Variants in SDK1 observed in about 807,000 individuals in gnomAD.
SDK1 encodes sidekick cell adhesion molecule 1.
In SDK1, 157 loss-of-function variants were observed where a neutral mutation model predicts 245.5. The ratio of observed to expected loss-of-function variants is 0.64; its 90% CI spans 0.56 to 0.73. The LOEUF (loss-of-function observed/expected upper bound fraction) is 0.73, where lower values mean the gene tolerates loss of function less well. Among genes scored for constraint, SDK1 ranks in the 30% least tolerant of loss-of-function variants. The pLI, the probability that SDK1 is intolerant of heterozygous loss-of-function variation, is 0.00. For missense variants in SDK1, 3,583 were observed against 3,002.3 expected (o/e 1.19, Z -4.52); for synonymous variants, 1,647 against 1,278.5 (o/e 1.29, Z -6.15).
At chr7:3,564,972 G>A (rs1779864621) in intron 1 of SDK1, among the ~76,000 whole-genome samples, 1 of 152,020 alleles carries the variant, frequency 6.6e-6, no homozygotes, top group Non-Finnish European at 1.5e-5. Context: ...CCAAGCAGAA[G>A]GAGATATAAT....
At position 3,359,386 on chromosome 7, in the gene SDK1, T is replaced by C. The variant is rs78482327; in HGVS notation, c.298+57502T>C. 3.8e-3 allele frequency among the ~76,000 whole-genome samples: 576 copies of C among 152,242 alleles called. 7 individuals carry two copies. In the East Asian group the frequency reaches 0.056, roughly 15 times the overall value. On this transcript the variant is annotated intron_variant, in intron 1 of 44. Transcript: ENST00000404826. ...TTTTTGTCTAAGGTTAAGTTTTCGT[T>C]GTTGTTGTTACATGCAGAATTGAGA...
chr7:3,807,072 A>G (rs943236230), intron 4 of SDK1, among the ~76,000 whole-genome samples: 1 of 152,180 alleles, frequency 6.6e-6, no homozygotes, highest in African/African-American at 2.4e-5. Context: ...CTAATGTTAA[A>G]TAAAAAGGAA....
chr7:3,522,701 G>A (rs1053734233), intron 1 of SDK1, among the ~76,000 whole-genome samples: 2 of 151,906 alleles, frequency 1.3e-5, no homozygotes, highest in African/African-American at 4.8e-5. Flanking sequence ...ACAAACCGGG[G>A]GACGTGCTAT....
intron 5 of SDK1, among the ~76,000 whole-genome samples, chr7:3,824,721 A>G (rs1779729455): frequency 6.6e-6 from 1 of 152,198 alleles, no homozygotes; most frequent in Non-Finnish European, 1.5e-5. Context: ...ATTGCTAGAT[A>G]CTGTGGCTAC....
At chr7:4,255,826 C>T (rs1013479691) in intron 44 of SDK1, among the ~76,000 whole-genome samples, 2 of 152,192 alleles carry the variant, frequency 1.3e-5, no homozygotes, top group Non-Finnish European at 2.9e-5. Flanking sequence ...GCACCACAGA[C>T]TCTCACTATC....
chr7:3,950,128 C>A (rs1020909159), intron 5 of SDK1, among the ~76,000 whole-genome samples: 1 of 152,208 alleles, frequency 6.6e-6, no homozygotes, highest in African/African-American at 2.4e-5. Flanking sequence ...CCCTCAGCCA[C>A]ACAACACACA....
chr7:3,362,114 A>T (rs1308167917), intron 1 of SDK1, among the ~76,000 whole-genome samples: 1 of 152,184 alleles, frequency 6.6e-6, no homozygotes, highest in East Asian at 1.9e-4. Flanking sequence ...TTATAATAGC[A>T]TTTTGATCTG....
chr7:3,832,756 G>C (rs1170508711), intron 5 of SDK1, among the ~76,000 whole-genome samples: 1 of 152,044 alleles, frequency 6.6e-6, no homozygotes, highest in Non-Finnish European at 1.5e-5. Context: ...CTCTCTCTCT[G>C]ATTCTTTGTT....
chr7:3,390,672 G>T (rs1447571869), intron 1 of SDK1, among the ~76,000 whole-genome samples: 1 of 152,146 alleles, frequency 6.6e-6, no homozygotes, highest in East Asian at 1.9e-4. Flanking sequence ...GATAGACGCA[G>T]ATATTGGAGT....
intron 5 of SDK1, among the ~76,000 whole-genome samples, chr7:3,854,026 AT>A (rs1214421194): frequency 6.6e-6 from 1 of 152,040 alleles, no homozygotes; most frequent in Non-Finnish European, 1.5e-5. Flanking sequence ...GCATTTTTTG[AT>A]TTTTAGATTA....
At chr7:3,550,524 A>G (rs528121349) in intron 1 of SDK1, among the ~76,000 whole-genome samples, 11 of 152,188 alleles carry the variant, frequency 7.2e-5, no homozygotes, top group Admixed American at 4.6e-4. Context: ...TCCTGTGCTG[A>G]CTGTCTGCAG....
chr7:4,177,466 C>T lies in SDK1; in HGVS notation c.4997-1019C>T, dbSNP rs186096904. Among the ~76,000 whole-genome samples the T allele has an allele frequency of 3.9e-5, 6 of 152,346 alleles. No homozygotes were observed. The East Asian group carries it at 5.8e-4, about 15-fold the overall frequency. On this transcript the variant is annotated intron_variant, in intron 34 of 44. Coordinates refer to ENST00000404826, the MANE Select transcript of SDK1 (RefSeq NM_152744.4). ...TTCTCTGTGTACAGCAGCCCACGCCCGTTCTTTCCCAGGACACGGCCGCTA... is the reference window on the plus strand; with the variant it reads ...TTCTCTGTGTACAGCAGCCCACGCCTGTTCTTTCCCAGGACACGGCCGCTA...
intron 19 of SDK1, among the ~76,000 whole-genome samples, chr7:4,053,569 A>G (rs908307987): frequency 6.6e-6 from 1 of 152,010 alleles, no homozygotes; most frequent in Non-Finnish European, 1.5e-5. Context: ...AGCTGCCGGG[A>G]TGGCTCCCCA....
Position 3,414,806 on chromosome 7 carries a change from A to T in SDK1, c.298+112922A>T, listed in dbSNP as rs114812012. Reference sequence around the variant, plus strand: ...TACTTGCTGTATTCTGGACATTTTTACAAATGGAGTCATATAATGTGTGTT... The same window carrying T: ...TACTTGCTGTATTCTGGACATTTTTTCAAATGGAGTCATATAATGTGTGTT... On this transcript the variant is annotated intron_variant, in intron 1 of 44. Transcript: ENST00000404826. Among the ~76,000 whole-genome samples, 1,329 of 152,160 alleles carry T rather than the reference A, an allele frequency of 8.7e-3. 23 individuals are homozygous for T. Among genetic ancestry groups the T allele is most frequent in the African/African-American group, 0.03 (1,230 of 41,490 alleles).
chr7:3,340,766 CAAA>C lies in SDK1; in HGVS notation c.298+38896_298+38898del, dbSNP rs56932562. On this transcript the variant is annotated intron_variant, in intron 1 of 44. Coordinates refer to ENST00000404826, the MANE Select transcript of SDK1 (RefSeq NM_152744.4). ...TGGGAAACAGAGCAAGACCCCGTCT[CAAA>C]AAAAAAAAAAAAATCATCTATGAAG... 1.3e-3 allele frequency among the ~76,000 whole-genome samples: 162 copies of C among 125,382 alleles called. 1 individual carries two copies. The highest frequency in any genetic ancestry group is 4.3e-3 in the African/African-American group (152 of 35,340). 82.3% of individuals were successfully genotyped at this position (125,382 alleles called of 152,430 possible).
chr7:4,215,621 G>T (rs566752485), intron 38 of SDK1, among the ~76,000 whole-genome samples: 1 of 152,338 alleles, frequency 6.6e-6, no homozygotes, highest in East Asian at 1.9e-4. Flanking sequence ...GTCTAGTGCA[G>T]GCCAGCCCGG....
At chr7:3,901,668 A>G (rs1425694887) in intron 5 of SDK1, among the ~76,000 whole-genome samples, 1 of 152,164 alleles carries the variant, frequency 6.6e-6, no homozygotes, top group African/African-American at 2.4e-5. Context: ...CCTTGAAACT[A>G]TGGGACTATT....
At chr7:4,134,332 G>C (rs983388247) in intron 28 of SDK1, among the ~76,000 whole-genome samples, 1 of 152,190 alleles carries the variant, frequency 6.6e-6, no homozygotes, top group Non-Finnish European at 1.5e-5. Flanking sequence ...CCTTGGAGGT[G>C]AGCATTTCAG....
chr7:3,845,155 G>A (rs1780245379), intron 5 of SDK1, among the ~76,000 whole-genome samples: 1 of 152,262 alleles, frequency 6.6e-6, no homozygotes, highest in East Asian at 1.9e-4. Context: ...TCAGCCTGGA[G>A]GGTGAGGGCA....
Sources: gnomAD v4.1 joint callset for allele counts (sites outside exome capture counted in the v4.1 genomes callset) on GRCh38, gnomAD v4.1.1 for gene constraint, MANE v1.5 for transcripts, NCBI Gene and HGNC (gene_info 2026-07-23, HGNC 2026-07-21) for gene names.